OTUD7A: variants seen among roughly 807,000 people sequenced by gnomAD.
The protein encoded by OTUD7A is OTU deubiquitinase 7A.
In OTUD7A, 12 loss-of-function variants were observed where a neutral mutation model predicts 65.7. The ratio of observed to expected loss-of-function variants is 0.18; its 90% CI spans 0.12 to 0.30. The LOEUF is 0.30. Among genes scored for constraint, OTUD7A ranks in the 10% least tolerant of loss-of-function variants. The probability of loss-of-function intolerance (pLI) is 1.00; values close to 1 mark genes in which losing one functional copy is unlikely to be tolerated. For synonymous variants in OTUD7A, 641 were observed against 586.3 expected (o/e 1.09, Z -1.35); for missense variants, 1,148 against 1,304.8 (o/e 0.88, Z 1.85).
Position 31,800,048 on chromosome 15 carries a change from A to C in OTUD7A, c.-100+70459T>G, listed in dbSNP as rs143628609. 4.0e-4 allele frequency among the ~76,000 whole-genome samples: 61 copies of C among 152,326 alleles called. No individual in the cohort carries two copies. In the East Asian group the frequency reaches 0.012, roughly 29 times the overall value. On this transcript the variant is annotated intron_variant, in intron 1 of 12. Transcript: ENST00000307050. The stretch of plus-strand genomic sequence containing the variant: ...ACACCAGAAACCGCAGAAAGTGAGA[A>C]GGCTGGCATAAGGTTGTGACTCAGG...
At chr15:31,766,376 T>C (rs1414996336) in intron 1 of OTUD7A, 46 of 1,587,778 alleles carry the variant, frequency 2.9e-5, no homozygotes, top group Non-Finnish European at 3.6e-5. Context: ...AACATAACTG[T>C]AGAGCATCGA....
chr15:31,661,095 C>T (rs7169434), intron 1 of OTUD7A, among the ~76,000 whole-genome samples: 46,596 of 152,160 alleles, frequency 0.31, 8,360 homozygotes, highest in African/African-American at 0.49. Context: ...AAATAAAATA[C>T]GTGCATAGAT....
chr15:31,740,348 T>C (rs570320758), intron 1 of OTUD7A, among the ~76,000 whole-genome samples: 7 of 151,388 alleles, frequency 4.6e-5, no homozygotes, highest in Non-Finnish European at 1.0e-4. Context: ...CAGGAGTCGC[T>C]GCAGGCTTTG....
At chr15:31,752,742 C>T (rs1184781732) in intron 1 of OTUD7A, among the ~76,000 whole-genome samples, 1 of 151,986 alleles carries the variant, frequency 6.6e-6, no homozygotes, top group Non-Finnish European at 1.5e-5. Context: ...TGAATGTTGA[C>T]TGGAAAGCAA....
At chr15:31,727,129 T>A (rs1893912908) in intron 1 of OTUD7A, among the ~76,000 whole-genome samples, 1 of 152,188 alleles carries the variant, frequency 6.6e-6, no homozygotes, top group South Asian at 2.1e-4. Flanking sequence ...CTCAAATCCA[T>A]CACCCCATCA....
intron 1 of OTUD7A, among the ~76,000 whole-genome samples, chr15:31,796,657 C>T (rs545610545): frequency 6.6e-6 from 1 of 152,312 alleles, no homozygotes; most frequent in East Asian, 1.9e-4. Context: ...AAAAAGTAGC[C>T]ACCAAGTCAA....
intron 1 of OTUD7A, among the ~76,000 whole-genome samples, chr15:31,791,757 C>A (rs1437678362): frequency 6.6e-6 from 1 of 152,088 alleles, no homozygotes; most frequent in Non-Finnish European, 1.5e-5. Flanking sequence ...TGAAACATGG[C>A]CTTCCTTTGG....
At chr15:31,545,548 T>C (rs1888104668) in intron 5 of OTUD7A, among the ~76,000 whole-genome samples, 1 of 151,964 alleles carries the variant, frequency 6.6e-6, no homozygotes, top group Non-Finnish European at 1.5e-5. Context: ...GTATAAATAA[T>C]TCCCACAAGT....
chr15:31,737,733 G>A (rs998499181), intron 1 of OTUD7A, among the ~76,000 whole-genome samples: 25 of 152,202 alleles, frequency 1.6e-4, no homozygotes, highest in African/African-American at 6.0e-4. Flanking sequence ...TTCTCAGCAG[G>A]AAATAACTGG....
chr15:31,487,852 A>G lies in OTUD7A; in HGVS notation c.1172-286T>C, dbSNP rs1055674662. ...TGGGCAGCAGAATGGGAAAAAAGCTATTGCTGCCTCTGCTATTTCTAGGAA... is the reference window on the plus strand; with the variant it reads ...TGGGCAGCAGAATGGGAAAAAAGCTGTTGCTGCCTCTGCTATTTCTAGGAA... On this transcript the variant is annotated intron_variant, in intron 10 of 12. Transcript: ENST00000307050. This position sits in a 1 kb window ranked among gnomAD's most constrained non-coding sequence, Gnocchi z 6.0. Among the ~76,000 whole-genome samples, 1 of 152,126 alleles carries G rather than the reference A, an allele frequency of 6.6e-6. No homozygotes were observed. Among genetic ancestry groups the G allele is most frequent in the African/African-American group, 2.4e-5 (1 of 41,416 alleles).
chr15:31,587,366 G>A (rs1227780919), intron 3 of OTUD7A, among the ~76,000 whole-genome samples: 2 of 152,158 alleles, frequency 1.3e-5, no homozygotes, highest in South Asian at 4.2e-4. Flanking sequence ...GGCCGGGCGC[G>A]GTGGCTCACG....
intron 1 of OTUD7A, among the ~76,000 whole-genome samples, chr15:31,747,348 G>A (rs1434115207): frequency 1.3e-5 from 2 of 152,124 alleles, no homozygotes; most frequent in Non-Finnish European, 2.9e-5. Context: ...ATAAAAGAAA[G>A]CAGAACTTCC....
At chr15:31,726,843 G>A (rs930835787) in intron 1 of OTUD7A, among the ~76,000 whole-genome samples, 2 of 152,196 alleles carry the variant, frequency 1.3e-5, no homozygotes, top group African/African-American at 4.8e-5. Context: ...GTTCCTGCAT[G>A]GGTCAATTTC....
At chr15:31,532,272 A>C (rs1053853075) in intron 5 of OTUD7A, among the ~76,000 whole-genome samples, 1 of 152,218 alleles carries the variant, frequency 6.6e-6, no homozygotes, top group African/African-American at 2.4e-5. Flanking sequence ...GCAATTACAA[A>C]CATACCTAAG....
chr15:31,540,252 C>T (rs921375184), intron 5 of OTUD7A, among the ~76,000 whole-genome samples: 8 of 152,200 alleles, frequency 5.3e-5, no homozygotes, highest in African/African-American at 1.9e-4. Context: ...ATGGCAGACA[C>T]GCTAACCAAT....
At chr15:31,688,220 A>AAG (rs1345096171) in intron 1 of OTUD7A, among the ~76,000 whole-genome samples, 1 of 151,480 alleles carries the variant, frequency 6.6e-6, no homozygotes, top group East Asian at 1.9e-4. Flanking sequence ...ATCTCAAAAA[A>AAG]AAAAAAAAAG....
chr15:31,637,486 G>A (rs1313050538), intron 3 of OTUD7A, among the ~76,000 whole-genome samples: 1 of 152,220 alleles, frequency 6.6e-6, no homozygotes, highest in Non-Finnish European at 1.5e-5. Context: ...ATGTTTTCAC[G>A]TCTGCTAATA....
intron 8 of OTUD7A, among the ~76,000 whole-genome samples, chr15:31,522,135 T>C (rs1425621284): frequency 1.3e-5 from 2 of 152,236 alleles, no homozygotes; most frequent in East Asian, 1.9e-4. Context: ...GATGGTTAGA[T>C]AGCTGGTTAA....
At chr15:31,559,338 A>C in intron 4 of OTUD7A, 151 bp from the exon 5 acceptor site, 1 of 700,146 alleles carries the variant, frequency 1.4e-6, no homozygotes, top group Non-Finnish European at 2.4e-6. Context: ...ACCACACAAC[A>C]CACAAAAATA....
Sources: gnomAD v4.1 joint callset for allele counts (sites outside exome capture counted in the v4.1 genomes callset) on GRCh38, gnomAD v4.1.1 for gene constraint, Gnocchi (gnomAD v3.1) non-coding constraint, MANE v1.5 for transcripts, NCBI Gene and HGNC (gene_info 2026-07-23, HGNC 2026-07-21) for gene names.